ZNF837: variants seen among roughly 807,000 people sequenced by gnomAD.
ZNF837 encodes zinc finger protein 837.
For missense variants in ZNF837, 955 were observed against 801.7 expected, an observed-to-expected ratio of 1.19 and a Z score of -2.31; for synonymous variants, 475 against 365.2, an observed-to-expected ratio of 1.30 and a Z score of -3.43.
intron 1 of ZNF837, among the ~76,000 whole-genome samples, chr19:58,374,538 G>C (rs1036148727): frequency 2.6e-5 from 4 of 151,900 alleles, no homozygotes; most frequent in Non-Finnish European, 5.9e-5. Context: ...GGAAAGAGTG[G>C]GGAGTAATTG....
intron 1 of ZNF837, among the ~76,000 whole-genome samples, chr19:58,375,239 G>C (rs1407358479): frequency 1.0e-5 from 1 of 95,310 alleles, no homozygotes; most frequent in South Asian, 3.9e-4. Context: ...CTGGGCAACA[G>C]AGCGAGAATC....
Position 58,368,297 on chromosome 19 carries a change from C to A in ZNF837, c.1036G>T (p.Asp346Tyr). 1.3e-6 allele frequency: 2 copies of A among 1,481,844 alleles called. No individual in the cohort carries two copies. Among genetic ancestry groups the A allele is most frequent in the South Asian group, 1.3e-5 (1 of 74,292 alleles). The allele number at this position is 1,481,844 out of a possible 1,614,324, so 91.8% of individuals were successfully genotyped here. The change falls in exon 3 of 3, where the codon GAC (aspartate) becomes TAC (tyrosine). Residue 346 changes from aspartate (D) to tyrosine (Y), a missense_variant. Physicochemically the swap from Asp to Tyr is radical, Grantham distance 160. Transcript: ENST00000597582. ...CGTCGGGGACTCCGCTCGCTGTAGT[C>A]CCCGCAGGGCGGGCACCCCAGCCGG... is the stretch of plus-strand genomic sequence containing the variant. ...AFRLGCPPCG[D>Y]YSERSPRRGS... is the part of the protein sequence containing the mutation.
At chr19:58,371,521 C>G (rs2052202099) in intron 1 of ZNF837, among the ~76,000 whole-genome samples, 1 of 152,182 alleles carries the variant, frequency 6.6e-6, no homozygotes, top group Non-Finnish European at 1.5e-5. Context: ...CTCATTGTTT[C>G]CAGAACAAAG....
Position 58,369,021 on chromosome 19 carries a change from G to C in ZNF837, c.312C>G (p.Ile104Met), listed in dbSNP as rs1408727985. 2.6e-6 allele frequency: 4 copies of C among 1,514,656 alleles called. No homozygotes were observed. Among genetic ancestry groups the C allele is most frequent in the East Asian group, 2.5e-5 (1 of 40,486 alleles). 93.8% of individuals were successfully genotyped at this position (1,514,656 alleles called of 1,614,324 possible). A position where few individuals can be genotyped will look rare whatever the true frequency, so the allele number is the denominator to read the frequency against. ...CCTCCCGGGCTTGCAGCCCCTCGGG[G>C]ATAACCAGCTCAGGGTTCTGAGAAG... Reference protein sequence around the residue: ...PTSSQNPELVIPEGLQAREGP... With the variant: ...PTSSQNPELVMPEGLQAREGP... The change falls in exon 3 of 3, where the codon ATC becomes ATG. Residue 104 changes from isoleucine to methionine, a missense_variant. Ile to Met is a conservative substitution (Grantham distance 10). Coordinates refer to ENST00000597582, the MANE Select transcript of ZNF837 (RefSeq NM_138466.2).
intron 1 of ZNF837, among the ~76,000 whole-genome samples, chr19:58,370,768 G>A (rs2052192969): frequency 6.6e-6 from 1 of 152,014 alleles, no homozygotes; most frequent in African/African-American, 2.4e-5. Flanking sequence ...GGTGGTGCGT[G>A]CCTGTAATCC....
intron 1 of ZNF837, among the ~76,000 whole-genome samples, chr19:58,370,953 G>C (rs979230602): frequency 3.3e-4 from 48 of 147,200 alleles, no homozygotes; most frequent in South Asian, 1.1e-3. Context: ...GAAGGCCGGG[G>C]GGGGGGAGCC....
chr19:58,368,619 C>T lies in ZNF837; in HGVS notation c.714G>A (p.Gln238=). The T allele has an allele frequency of 6.5e-7, 1 of 1,532,522 alleles. No individual in the cohort carries two copies. 94.9% of individuals were successfully genotyped at this position (1,532,522 alleles called of 1,614,324 possible). Residue 238 remains glutamine (Q), a synonymous_variant, in exon 3 of 3, where the codon CAG becomes CAA. Coordinates refer to ENST00000597582, the MANE Select transcript of ZNF837 (RefSeq NM_138466.2). ...ARCGKRFRPN[Q]QQQAGKSPPV... is the part of the protein sequence containing the mutation. Reference sequence around the variant, plus strand: ...GGGGACTCTTGCCCGCCTGCTGCTGCTGGTTGGGGCGGAAGCGCTTCCCGC... The same window carrying T: ...GGGGACTCTTGCCCGCCTGCTGCTGTTGGTTGGGGCGGAAGCGCTTCCCGC...
At chr19:58,371,570 G>C (rs531122070) in intron 1 of ZNF837, among the ~76,000 whole-genome samples, 3 of 152,130 alleles carry the variant, frequency 2.0e-5, no homozygotes, top group African/African-American at 7.2e-5. Context: ...TCTGAATCCC[G>C]GATGGCTAAC....
intron 1 of ZNF837, among the ~76,000 whole-genome samples, chr19:58,370,633 C>T (rs1426509981): frequency 1.3e-5 from 2 of 152,154 alleles, no homozygotes; most frequent in African/African-American, 4.8e-5. Context: ...CGGTAGCTCA[C>T]GCCTGTAATC....
At chr19:58,377,087 C>T (rs777349502) in intron 1 of ZNF837, among the ~76,000 whole-genome samples, 3 of 150,422 alleles carry the variant, frequency 2.0e-5, no homozygotes, top group Non-Finnish European at 3.0e-5. Context: ...CGAGGTGGCG[C>T]GCACCTGTAA....
At chr19:58,370,137 ATC>A (rs1426370341) in intron 1 of ZNF837, among the ~76,000 whole-genome samples, 1 of 152,236 alleles carries the variant, frequency 6.6e-6, no homozygotes, top group Non-Finnish European at 1.5e-5. Flanking sequence ...CAAACTTGTT[ATC>A]TCAGAGTTCT....
intron 1 of ZNF837, among the ~76,000 whole-genome samples, chr19:58,371,264 C>G (rs1180159344): frequency 7.2e-6 from 1 of 138,804 alleles, no homozygotes; most frequent in Non-Finnish European, 1.5e-5. Context: ...AAAAAATTGC[C>G]GGGCATGGTG....
intron 1 of ZNF837, among the ~76,000 whole-genome samples, chr19:58,374,747 A>G (rs1348768108): frequency 6.6e-6 from 1 of 152,146 alleles, no homozygotes; most frequent in Admixed American, 6.6e-5. Context: ...CAGCCTGGCC[A>G]AAATGTCGAA....
At chr19:58,373,202 G>A (rs1379710134) in intron 1 of ZNF837, among the ~76,000 whole-genome samples, 1 of 152,186 alleles carries the variant, frequency 6.6e-6, no homozygotes, top group Non-Finnish European at 1.5e-5. Flanking sequence ...CAAAGGCGCC[G>A]ATCCTTCCTC....
chr19:58,376,384 C>G (rs1471222321), intron 1 of ZNF837, among the ~76,000 whole-genome samples: 3 of 150,770 alleles, frequency 2.0e-5, no homozygotes, highest in East Asian at 3.9e-4. Flanking sequence ...AACCCCATCT[C>G]TACTAAAAAA....
In ZNF837 at chr19:58,368,174, CG is replaced by C. The variant is rs2052157028; in HGVS notation, c.1158del (p.Gly387AlafsTer20). The C allele has an allele frequency of 6.3e-7, 1 of 1,585,500 alleles. No individual in the cohort carries two copies. The highest frequency in any genetic ancestry group is 2.3e-5 in the East Asian group (1 of 43,526). On this transcript the variant is annotated frameshift_variant, in exon 3 of 3. Transcript: ENST00000597582. LOFTEE classifies it low-confidence loss of function (END_TRUNC). ...TCGGGGCACGCGTAGGGCTTCTCGC[CG>C]GTGTGCACGCGCCGGTGCTCCACGA... ...SHLVEHRRVHTGEKPYACPEC... is the reference protein window; with the variant it reads ...SHLVEHRRVHXGEKPYACPEC...
chr19:58,368,412 G>A lies in ZNF837; in HGVS notation c.921C>T (p.Ala307=), dbSNP rs1410095841. The change falls in exon 3 of 3, where the codon GCC becomes GCT. Residue 307 remains alanine, a synonymous_variant. Transcript: ENST00000597582. ...GGTACAGGCCGGAGCAGCGCACGAA[G>A]GCCTTGCCGCACTCGGCGCACTCGT... ...RPYECAECGK[A]FVRCSGLYRH... 1 of 1,547,018 alleles carries A rather than the reference G, an allele frequency of 6.5e-7. No individual in the cohort carries two copies. Among genetic ancestry groups the A allele is most frequent in the Non-Finnish European group, 8.7e-7 (1 of 1,148,558 alleles).
chr19:58,372,422 C>T (rs2052210103), intron 1 of ZNF837, among the ~76,000 whole-genome samples: 1 of 130,564 alleles, frequency 7.7e-6, no homozygotes, highest in African/African-American at 2.8e-5. Context: ...AATCCCAACA[C>T]TTGGGGAGTC....
In ZNF837 at chr19:58,368,166, C is replaced by T. The variant is rs747595657; in HGVS notation, c.1167G>A (p.Lys389=). The change falls in exon 3 of 3, where the codon AAG becomes AAA. Residue 389 remains lysine, a synonymous_variant. Transcript: ENST00000597582. The part of the protein sequence containing the change: ...VEHRRVHTGE[K]PYACPECGKA... ...TGCCGCACTCGGGGCACGCGTAGGG[C>T]TTCTCGCCGGTGTGCACGCGCCGGT... 9 of 1,587,828 alleles carry T rather than the reference C, an allele frequency of 5.7e-6. No homozygotes were observed. The highest frequency in any genetic ancestry group is 2.3e-5 in the East Asian group (1 of 43,630).
Sources: gnomAD v4.1 joint callset for allele counts (sites outside exome capture counted in the v4.1 genomes callset) on GRCh38, gnomAD v4.1.1 for gene constraint, MANE v1.5 for transcripts, NCBI Gene and HGNC (gene_info 2026-07-23, HGNC 2026-07-21) for gene names.